FREM1: variants seen among roughly 807,000 people sequenced by gnomAD.
FREM1 encodes FRAS1 related extracellular matrix 1, also known as FRAS1-related extracellular matrix protein 1.
In FREM1, 220 loss-of-function variants were observed where a neutral mutation model predicts 210.1. The observed-to-expected ratio is 1.05, with a 90% CI of 0.94 to 1.17. The LOEUF is 1.17. FREM1 is among the 50% of genes most tolerant of loss of function. FREM1 has a pLI of 0.00. For missense variants in FREM1, 3,454 were observed against 2,675.5 expected, an observed-to-expected ratio of 1.29 and a Z score of -6.42; for synonymous variants, 1,189 against 980.2, an observed-to-expected ratio of 1.21 and a Z score of -3.98.
At chr9:14,806,620 TAAGG>T (rs757074173) in intron 18 of FREM1, 37 bp downstream of exon 18, 2 of 1,165,364 alleles carry the variant, frequency 1.7e-6, no homozygotes, top group Non-Finnish European at 1.3e-6. Flanking sequence ...TCCATAAATA[TAAGG>T]AAGGGAGTCA....
At chr9:14,786,324 G>A (rs1383319795) in intron 23 of FREM1, among the ~76,000 whole-genome samples, 1 of 152,184 alleles carries the variant, frequency 6.6e-6, no homozygotes, top group African/African-American at 2.4e-5. Context: ...GGGAGCTCTT[G>A]TGAACTAATA....
chr9:14,776,155 G>T lies in FREM1; in HGVS notation c.4491C>A (p.Ile1497=), dbSNP rs1445630554. The T allele has an allele frequency of 6.4e-7, 1 of 1,556,488 alleles. No homozygotes were observed. Among genetic ancestry groups the T allele is most frequent in the East Asian group, 2.3e-5 (1 of 44,398 alleles). ...GLRTEHGVFE[I]TLETVDRALP... ...GGGCTCTGTCCACAGTCTCCAGTGT[G>T]ATCTCAAACACCCCGTGCTCGGTCC... The change falls in exon 25 of 37, where the codon ATC becomes ATA. Residue 1497 remains isoleucine (I), a synonymous_variant. Coordinates refer to ENST00000380880, the MANE Select transcript of FREM1 (RefSeq NM_001379081.2).
At chr9:14,830,618 C>A (rs1294032080) in intron 10 of FREM1, among the ~76,000 whole-genome samples, 1 of 152,204 alleles carries the variant, frequency 6.6e-6, no homozygotes, top group Non-Finnish European at 1.5e-5. Flanking sequence ...GGAAGACCTC[C>A]TCCTCTTTCG....
chr9:14,884,405 T>A (rs1054940832), intron 1 of FREM1, among the ~76,000 whole-genome samples: 4 of 152,326 alleles, frequency 2.6e-5, no homozygotes, highest in East Asian at 1.9e-4. Flanking sequence ...TAATCATGTA[T>A]TCTAAGTACA....
intron 10 of FREM1, among the ~76,000 whole-genome samples, chr9:14,834,388 C>T (rs1373790818): frequency 1.3e-5 from 2 of 152,134 alleles, no homozygotes; most frequent in African/African-American, 4.8e-5. Context: ...GGTCTTAAGA[C>T]ACTACTCTGT....
intron 2 of FREM1, among the ~76,000 whole-genome samples, chr9:14,866,273 C>G (rs566155017): frequency 6.6e-6 from 1 of 152,282 alleles, no homozygotes; most frequent in African/African-American, 2.4e-5. Context: ...ATCCTTGATT[C>G]TTGTGAACAA....
chr9:14,770,517 G>A (rs1442981295), intron 26 of FREM1, 88 bp downstream of exon 26: 9 of 922,510 alleles, frequency 9.8e-6, no homozygotes, highest in South Asian at 8.4e-5. Context: ...TTTACCAAAT[G>A]GGCCTGCACT....
At chr9:14,755,938 A>G (rs1481884514) in intron 29 of FREM1, among the ~76,000 whole-genome samples, 1 of 152,192 alleles carries the variant, frequency 6.6e-6, no homozygotes. Context: ...TTCCCCTGGA[A>G]TCTCCTAATA....
At chr9:14,762,750 A>G (rs1307865360) in intron 27 of FREM1, among the ~76,000 whole-genome samples, 1 of 101,110 alleles carries the variant, frequency 9.9e-6, no homozygotes, top group African/African-American at 3.6e-5. Context: ...TATGTTTTGA[A>G]TGTGATTTTT....
intron 1 of FREM1, among the ~76,000 whole-genome samples, chr9:14,905,899 A>G (rs2132712216): frequency 9.0e-6 from 1 of 110,930 alleles, no homozygotes; most frequent in Non-Finnish European, 2.3e-5. Context: ...TCAAATTTAA[A>G]AAAAGAAAAA....
rs187172161 is a variant in FREM1 at position 14,800,113 on chromosome 9, C to A, written c.3694+1539G>T. 3.5e-3 allele frequency among the ~76,000 whole-genome samples: 528 copies of A among 152,016 alleles called. 2 individuals carry two copies. Among genetic ancestry groups the A allele is most frequent in the African/African-American group, 0.012 (503 of 41,438 alleles). ...ATTTTTGCAACAATTACAAAAAAAC[C>A]TTTGGGGCAGAAAGCTTACACACTA... is the stretch of plus-strand genomic sequence containing the variant. On this transcript the variant is annotated intron_variant, in intron 20 of 36. Transcript: ENST00000380880.
intron 8 of FREM1, among the ~76,000 whole-genome samples, chr9:14,844,978 C>T (rs910518830): frequency 6.6e-6 from 1 of 152,218 alleles, no homozygotes; most frequent in Non-Finnish European, 1.5e-5. Context: ...TGGCCTCCCA[C>T]TGTCCTGAGA....
intron 13 of FREM1, 79 bp from the exon 14 acceptor site, chr9:14,819,521 A>G: frequency 1.3e-6 from 1 of 763,694 alleles, no homozygotes. Context: ...ATCACTGTAA[A>G]ACTTCCAGTA....
intron 4 of FREM1, among the ~76,000 whole-genome samples, chr9:14,858,273 G>A (rs1035905986): frequency 6.6e-6 from 1 of 152,034 alleles, no homozygotes; most frequent in African/African-American, 2.4e-5. Flanking sequence ...CTTTCTCACT[G>A]AAAACCATAA....
chr9:14,740,429 T>G (rs907820098), intron 35 of FREM1, among the ~76,000 whole-genome samples, 195 bp from the exon 36 acceptor site: 12 of 152,230 alleles, frequency 7.9e-5, no homozygotes, highest in Admixed American at 7.2e-4. Context: ...TCAAAGAAAG[T>G]GATGGTTTAT....
chr9:14,812,948 C>T lies in FREM1; in HGVS notation c.2757G>A (p.Val919=). The T allele has an allele frequency of 6.2e-7, 1 of 1,613,914 alleles. No individual in the cohort carries two copies. The highest frequency in any genetic ancestry group is 8.5e-7 in the Non-Finnish European group (1 of 1,179,856). ...ITSEYIFATD[V]DSDNLKLMFV... ...ACATCAACTTCAAGTTATCGCTGTC[C>T]ACATCAGTAGCAAAAATGTATTCAG... is the stretch of plus-strand genomic sequence containing the variant. Residue 919 remains valine (V), a synonymous_variant, in exon 16 of 37, where the codon GTG becomes GTA. Coordinates refer to ENST00000380880, the MANE Select transcript of FREM1 (RefSeq NM_001379081.2).
At chr9:14,874,701 C>A (rs1833361573) in intron 1 of FREM1, among the ~76,000 whole-genome samples, 1 of 152,028 alleles carries the variant, frequency 6.6e-6, no homozygotes, top group African/African-American at 2.4e-5. Context: ...TGAATTTGAT[C>A]CTGTCATTAT....
At chr9:14,793,327 T>A (rs2133093674) in intron 21 of FREM1, among the ~76,000 whole-genome samples, 1 of 152,338 alleles carries the variant, frequency 6.6e-6, no homozygotes, top group African/African-American at 2.4e-5. Flanking sequence ...GTGCCATTGA[T>A]GATATGCCAT....
At chr9:14,816,665 G>A (rs1449490065) in intron 15 of FREM1, 113 bp downstream of exon 15, 1 of 494,656 alleles carries the variant, frequency 2.0e-6, no homozygotes, top group Non-Finnish European at 3.2e-6. Context: ...AGCCTCCAGA[G>A]TCATGAGCCA....
Sources: allele counts gnomAD v4.1 joint callset (sites outside exome capture counted in the v4.1 genomes callset), GRCh38; gene constraint gnomAD v4.1.1; transcripts MANE v1.5; gene names NCBI Gene and HGNC (gene_info 2026-07-23, HGNC 2026-07-21).